ZNF827: variants seen among roughly 807,000 people sequenced by gnomAD.
ZNF827 encodes the protein zinc finger protein 827.
ZNF827 carries 13 observed loss-of-function variants against 102.4 expected under a neutral mutation model. The ratio of observed to expected loss-of-function variants is 0.13; its 90% CI spans 0.08 to 0.20. The LOEUF is 0.20. Among genes scored for constraint, ZNF827 ranks in the 10% least tolerant of loss-of-function variants. The pLI, the probability that ZNF827 is intolerant of heterozygous loss-of-function variation, is 1.00. For synonymous variants in ZNF827, 523 were observed against 536.2 expected, an observed-to-expected ratio of 0.98 and a Z score of 0.34; for missense variants, 1,103 against 1,344.4, an observed-to-expected ratio of 0.82 and a Z score of 2.81.
rs570309766 is a variant in ZNF827 at position 145,855,914 on chromosome 4, TTC to T, written c.1982-6355_1982-6354del. The stretch of plus-strand genomic sequence containing the variant: ...CCCAATGCTTAGATGCTGAATGTTA[TTC>T]TCTCTTTTGGCTTTTTTACCCTACA... On this transcript the variant is annotated intron_variant, in intron 5 of 14. Coordinates refer to ENST00000508784, the MANE Select transcript of ZNF827 (RefSeq NM_001306215.2). Among the ~76,000 whole-genome samples, 151 of 152,280 alleles carry T rather than the reference TTC, an allele frequency of 9.9e-4. 1 individual carries two copies. Among genetic ancestry groups the T allele is most frequent in the South Asian group, 1.9e-3 (9 of 4,816 alleles).
chr4:145,886,092 G>A lies in ZNF827; in HGVS notation c.1333C>T (p.His445Tyr). Residue 445 changes from histidine (H) to tyrosine (Y), a missense_variant, in exon 4 of 15, where the codon CAC becomes TAC. Physicochemically the swap from His to Tyr is moderately conservative, Grantham distance 83. Around this residue, in one of 5 missense-constraint regions of ZNF827, gnomAD observed 157 missense variants for 211.7 expected, o/e 0.74. Transcript: ENST00000508784. ...CQLCPFTSSR[H>Y]FSLKLHMRCH... ...CGCATGTGGAGTTTCAGGCTGAAGT[G>A]GCGTGAGGAAGTAAAAGGGCACAGC... 1.2e-6 allele frequency: 2 copies of A among 1,613,940 alleles called. No homozygotes were observed. The highest frequency in any genetic ancestry group is 1.7e-6 in the Non-Finnish European group (2 of 1,179,904).
chr4:145,870,402 C>A lies in ZNF827; in HGVS notation c.1824G>T (p.Thr608=), dbSNP rs201469050. The A allele has an allele frequency of 1.2e-6, 2 of 1,614,084 alleles. No individual in the cohort carries two copies. Among genetic ancestry groups the A allele is most frequent in the Non-Finnish European group, 1.7e-6 (2 of 1,180,006 alleles). ...ACACATAGCTGGACCGAGGCAAAGT[C>A]GTGCTTAGGGACTCCCCTTCCTTAG... is the stretch of plus-strand genomic sequence containing the variant. The part of the protein sequence containing the change: ...EEPKEGESLS[T]TLPRSSYVFS... The change falls in exon 5 of 15, where the codon ACG becomes ACT. Residue 608 remains threonine, a synonymous_variant. Transcript: ENST00000508784.
In ZNF827 at chr4:145,823,436, C is replaced by A. The variant is rs1743349631; in HGVS notation, c.2369G>T (p.Arg790Ile). 1.9e-6 allele frequency: 3 copies of A among 1,612,744 alleles called. No homozygotes were observed. Among genetic ancestry groups the A allele is most frequent in the African/African-American group, 2.7e-5 (2 of 74,614 alleles). Reference protein sequence around the residue: ...LLPSDSVLHGRISAPETEKIV... With the variant: ...LLPSDSVLHGIISAPETEKIV... ...TGTTTCCATACCTGGAGCTGATATT[C>A]TTCCGTGCAGCACGGAGTCACTGGG... The change falls in exon 8 of 15, where the codon AGA (arginine) becomes ATA (isoleucine). Residue 790 changes from arginine to isoleucine, a missense_variant. Arg to Ile is a moderately conservative substitution (Grantham distance 97). Transcript: ENST00000508784.
Position 145,899,465 on chromosome 4 carries a change from C to T in ZNF827, c.1093+2701G>A, listed in dbSNP as rs201606315. Among the ~76,000 whole-genome samples the T allele has an allele frequency of 2.0e-5, 3 of 152,296 alleles. No homozygotes were observed. The East Asian group carries it at 5.8e-4, about 29-fold the overall frequency. On this transcript the variant is annotated intron_variant, in intron 2 of 14. Transcript: ENST00000508784. Reference sequence around the variant, plus strand: ...CAAAGACAAATAACAAAATTAGATACTCTGTGAACTCCTTATTAACCCATA... The same window carrying T: ...CAAAGACAAATAACAAAATTAGATATTCTGTGAACTCCTTATTAACCCATA...
intron 4 of ZNF827, among the ~76,000 whole-genome samples, chr4:145,875,098 T>A (rs541144293): frequency 9.1e-4 from 139 of 152,344 alleles, no homozygotes; most frequent in African/African-American, 3.0e-3. Context: ...TACAATATTT[T>A]CTAGTTATAT....
chr4:145,915,337 C>T (rs1481227941), intron 1 of ZNF827, among the ~76,000 whole-genome samples: 1 of 152,024 alleles, frequency 6.6e-6, no homozygotes, highest in Non-Finnish European at 1.5e-5. Flanking sequence ...ATTCCAGCTA[C>T]TCGGGAGGCT....
rs1209927442 is a variant in ZNF827, at chr4:145,847,527, C to CA, written c.2222-1515dup. Among the ~76,000 whole-genome samples the CA allele has an allele frequency of 2.6e-5, 4 of 152,022 alleles. No homozygotes were observed. In the East Asian group the frequency reaches 7.7e-4, roughly 29 times the overall value. On this transcript the variant is annotated intron_variant, in intron 6 of 14. Transcript: ENST00000508784. ...TTATTCTGATAAATGTCATAAGGGACAAAAAAATATCATTTAGACAAGAAG... is the reference window on the plus strand; with the variant it reads ...TTATTCTGATAAATGTCATAAGGGACAAAAAAAATATCATTTAGACAAGAAG...
Position 145,869,113 on chromosome 4 carries a change from G to A in ZNF827, c.1981+1132C>T, listed in dbSNP as rs145298964. The stretch of plus-strand genomic sequence containing the variant: ...AGGAAGACAGAGCTATGATAAGAAT[G>A]TAATGATTGCATTATGCTTTATTTA... On this transcript the variant is annotated intron_variant, in intron 5 of 14. Coordinates refer to ENST00000508784, the MANE Select transcript of ZNF827 (RefSeq NM_001306215.2). Among the ~76,000 whole-genome samples the A allele has an allele frequency of 4.3e-3, 651 of 152,296 alleles. 6 individuals are homozygous for A. Among genetic ancestry groups the A allele is most frequent in the African/African-American group, 0.015 (615 of 41,568 alleles).
intron 10 of ZNF827, among the ~76,000 whole-genome samples, chr4:145,775,140 C>T (rs1015152962): frequency 6.6e-6 from 1 of 152,164 alleles, no homozygotes; most frequent in Non-Finnish European, 1.5e-5. Flanking sequence ...GTATGGCACT[C>T]CAAGCAAGAG....
At chr4:145,935,565 C>A (rs1371282354) in intron 1 of ZNF827, among the ~76,000 whole-genome samples, 1 of 152,220 alleles carries the variant, frequency 6.6e-6, no homozygotes, top group African/African-American at 2.4e-5. Flanking sequence ...AAATTAAGGC[C>A]TCCCTTTCAA....
At chr4:145,914,123 A>G (rs1463689942) in intron 1 of ZNF827, among the ~76,000 whole-genome samples, 1 of 152,046 alleles carries the variant, frequency 6.6e-6, no homozygotes, top group East Asian at 1.9e-4. Context: ...CTTGTAATAA[A>G]CATATTATAG....
At chr4:145,818,783 AG>A (rs1224605725) in intron 8 of ZNF827, among the ~76,000 whole-genome samples, 1 of 152,210 alleles carries the variant, frequency 6.6e-6, no homozygotes, top group African/African-American at 2.4e-5. Flanking sequence ...ACTTCTGACC[AG>A]GGGTGTGTCA....
chr4:145,911,355 C>T (rs908194221), intron 1 of ZNF827, among the ~76,000 whole-genome samples: 1 of 152,202 alleles, frequency 6.6e-6, no homozygotes, highest in East Asian at 1.9e-4. Context: ...CAACCTGTTT[C>T]TCCAGGTACC....
intron 11 of ZNF827, among the ~76,000 whole-genome samples, chr4:145,773,411 C>A (rs886479003): frequency 1.3e-5 from 2 of 152,216 alleles, no homozygotes; most frequent in African/African-American, 4.8e-5. Flanking sequence ...CAGAGAGATC[C>A]TCCTCTGCTG....
chr4:145,857,862 T>C (rs1355017079), intron 5 of ZNF827, among the ~76,000 whole-genome samples: 1 of 152,192 alleles, frequency 6.6e-6, no homozygotes, highest in Non-Finnish European at 1.5e-5. Context: ...ATATGCCATT[T>C]GGTAACATTC....
rs1461473662 is a variant in ZNF827, at chr4:145,938,638, TA to T, written c.-232del. ...TCTTTTTTCCTTTTTTTTTTTTTTT[TA>T]AATTTTTGGTCGTGCACCTGGCTTG... On this transcript the variant is annotated 5_prime_UTR_variant, in exon 1 of 15. Coordinates refer to ENST00000508784, the MANE Select transcript of ZNF827 (RefSeq NM_001306215.2). 108 of 474,672 alleles carry T rather than the reference TA, an allele frequency of 2.3e-4. No homozygotes were observed. The highest frequency in any genetic ancestry group is 1.4e-3 in the East Asian group (40 of 27,874). 29.4% of individuals were successfully genotyped at this position (474,672 alleles called of 1,614,324 possible). A position where few individuals can be genotyped will look rare whatever the true frequency, so the allele number is the denominator to read the frequency against.
chr4:145,796,337 C>T (rs182397996), intron 8 of ZNF827, among the ~76,000 whole-genome samples: 8 of 152,174 alleles, frequency 5.3e-5, no homozygotes, highest in Admixed American at 2.0e-4. Context: ...AGGATGTACA[C>T]GAAACTGGGA....
intron 2 of ZNF827, among the ~76,000 whole-genome samples, chr4:145,894,843 A>G (rs539142402): frequency 2.0e-5 from 3 of 152,232 alleles, no homozygotes; most frequent in East Asian, 3.9e-4. Flanking sequence ...CCTATCTGTA[A>G]TTATGTCTCT....
At chr4:145,773,547 C>T (rs1458224808) in intron 11 of ZNF827, among the ~76,000 whole-genome samples, 1 of 152,210 alleles carries the variant, frequency 6.6e-6, no homozygotes, top group East Asian at 1.9e-4. Context: ...ATTTGTAAGC[C>T]CCGCAAATGC....
Sources: gnomAD v4.1 joint callset for allele counts (sites outside exome capture counted in the v4.1 genomes callset) on GRCh38, gnomAD v4.1.1 for gene constraint, gnomAD v4.1.1 regional missense constraint, MANE v1.5 for transcripts, NCBI Gene and HGNC (gene_info 2026-07-23, HGNC 2026-07-21) for gene names.